BTBD16: variants seen among roughly 807,000 people sequenced by gnomAD.
The protein encoded by BTBD16 is BTB domain containing 16.
A neutral mutation model predicts 67.4 loss-of-function variants in BTBD16; 66 were observed. The ratio of observed to expected loss-of-function variants is 0.98; its 90% CI spans 0.80 to 1.20. The LOEUF is 1.20. Ranked by LOEUF, BTBD16 falls within the 50% of genes most tolerant of loss-of-function variation. The pLI is 0.00. For synonymous variants in BTBD16, 242 were observed against 236.4 expected (o/e 1.02, Z -0.22); for missense variants, 634 against 616.0 (o/e 1.03, Z -0.31).
At chr10:122,283,038 G>T (rs1460097858) in intron 3 of BTBD16, among the ~76,000 whole-genome samples, 1 of 152,218 alleles carries the variant, frequency 6.6e-6, no homozygotes, top group African/African-American at 2.4e-5. Context: ...GAGGGACCAG[G>T]CTGCAGAAAT....
At position 122,271,685 on chromosome 10, in the gene BTBD16, T is replaced by G. The variant is rs147999652; in HGVS notation, c.-43+171T>G. Reference sequence around the variant, plus strand: ...AGGGGTCTGGGAGCTGAGAGACCATTGTAGGTAGCTCCTGCCCGCCCACAG... The same window carrying G: ...AGGGGTCTGGGAGCTGAGAGACCATGGTAGGTAGCTCCTGCCCGCCCACAG... On this transcript the variant is annotated intron_variant, in intron 1 of 15. Coordinates refer to ENST00000260723, the MANE Select transcript of BTBD16 (RefSeq NM_144587.5). Among the ~76,000 whole-genome samples, 380 of 152,032 alleles carry G rather than the reference T, an allele frequency of 2.5e-3. 2 individuals carry two copies. Among genetic ancestry groups the G allele is most frequent in the African/African-American group, 8.8e-3 (363 of 41,456 alleles).
intron 2 of BTBD16, 129 bp from the exon 3 acceptor site, chr10:122,276,662 C>A: frequency 1.7e-6 from 2 of 1,196,752 alleles, no homozygotes; most frequent in East Asian, 4.9e-5. Context: ...GAAATATTAG[C>A]CATGTTCAAA....
intron 8 of BTBD16, 82 bp downstream of exon 8, chr10:122,297,919 G>T: frequency 8.2e-7 from 1 of 1,217,456 alleles, no homozygotes; most frequent in Non-Finnish European, 1.2e-6. Flanking sequence ...TACCCACCAG[G>T]CCTACTTCCC....
At chr10:122,275,219 G>T in intron 2 of BTBD16, 120 bp downstream of exon 2, 2 of 970,348 alleles carry the variant, frequency 2.1e-6, no homozygotes, top group Non-Finnish European at 3.3e-6. Context: ...AGCATTATTG[G>T]CTGACTCGGC....
At chr10:122,302,618 C>T (rs2096396292) in intron 9 of BTBD16, among the ~76,000 whole-genome samples, 1 of 152,232 alleles carries the variant, frequency 6.6e-6, no homozygotes, top group Non-Finnish European at 1.5e-5. Context: ...TGCCCTCCAG[C>T]ATGGGACAAG....
At chr10:122,277,519 C>T (rs888808446) in intron 3 of BTBD16, among the ~76,000 whole-genome samples, 11 of 152,168 alleles carry the variant, frequency 7.2e-5, no homozygotes, top group Admixed American at 2.6e-4. Flanking sequence ...GTTCTGCAGG[C>T]TGTACAAGAA....
intron 9 of BTBD16, among the ~76,000 whole-genome samples, chr10:122,304,593 C>T (rs1044113345): frequency 5.1e-5 from 7 of 137,028 alleles, no homozygotes; most frequent in Non-Finnish European, 7.6e-5. Flanking sequence ...CTCCCTATGT[C>T]GCCCAGGCTG....
At chr10:122,272,966 A>G (rs1011649281) in intron 1 of BTBD16, among the ~76,000 whole-genome samples, 12 of 152,104 alleles carry the variant, frequency 7.9e-5, no homozygotes, top group Non-Finnish European at 1.8e-4. Flanking sequence ...GTAGCCAGGA[A>G]AGTTCAAATT....
At chr10:122,294,248 G>T (rs147247090) in intron 7 of BTBD16, 13,736 of 979,222 alleles carry the variant, frequency 0.014, 110 homozygotes, top group Admixed American at 0.021. Flanking sequence ...GTGTGTCTGT[G>T]TAACGGAAGT....
rs1019772638 is a variant in BTBD16, at chr10:122,323,972, A to G, written c.912-5508A>G. Among the ~76,000 whole-genome samples, 3 of 152,330 alleles carry G rather than the reference A, an allele frequency of 2.0e-5. No homozygotes were observed. In the South Asian group the frequency reaches 6.2e-4, roughly 32 times the overall value. On this transcript the variant is annotated intron_variant, in intron 10 of 15. Coordinates refer to ENST00000260723, the MANE Select transcript of BTBD16 (RefSeq NM_144587.5). Reference sequence around the variant, plus strand: ...ATCACTAAATAGGTATCTCTCAGACACTGAAGGGTAGATTCTGGCAATGAG... The same window carrying G: ...ATCACTAAATAGGTATCTCTCAGACGCTGAAGGGTAGATTCTGGCAATGAG...
At chr10:122,273,069 G>A (rs2096332462) in intron 1 of BTBD16, among the ~76,000 whole-genome samples, 1 of 151,988 alleles carries the variant, frequency 6.6e-6, no homozygotes, top group Non-Finnish European at 1.5e-5. Context: ...TGAAAAAAAT[G>A]ACAACACTTA....
intron 7 of BTBD16, among the ~76,000 whole-genome samples, chr10:122,297,315 C>T (rs964248479): frequency 1.3e-5 from 2 of 152,164 alleles, no homozygotes; most frequent in East Asian, 1.9e-4. Flanking sequence ...GTCATGAGCT[C>T]GCAGAGACCT....
intron 7 of BTBD16, among the ~76,000 whole-genome samples, chr10:122,297,142 T>G (rs1427678928): frequency 2.0e-5 from 3 of 152,266 alleles, no homozygotes; most frequent in Admixed American, 6.5e-5. Flanking sequence ...TTAACATGAC[T>G]GCCAAATGTG....
At chr10:122,329,755 C>T (rs2096452145) in intron 11 of BTBD16, among the ~76,000 whole-genome samples, 184 bp downstream of exon 11, 1 of 152,200 alleles carries the variant, frequency 6.6e-6, no homozygotes, top group African/African-American at 2.4e-5. Flanking sequence ...CTTTCCCTGT[C>T]TGTAAAACGA....
intron 3 of BTBD16, among the ~76,000 whole-genome samples, chr10:122,283,539 A>T (rs1251295419): frequency 1.3e-5 from 2 of 152,216 alleles, no homozygotes; most frequent in Non-Finnish European, 2.9e-5. Flanking sequence ...CTGAGTGTCT[A>T]CTATATGCTA....
intron 6 of BTBD16, among the ~76,000 whole-genome samples, chr10:122,290,409 A>G (rs2096371766): frequency 6.6e-6 from 1 of 151,980 alleles, no homozygotes; most frequent in South Asian, 2.1e-4. Context: ...ACCTCCCCCA[A>G]CTTGGGCTCA....
At chr10:122,325,397 G>A (rs1370530834) in intron 10 of BTBD16, among the ~76,000 whole-genome samples, 27 of 152,114 alleles carry the variant, frequency 1.8e-4, no homozygotes, top group Non-Finnish European at 2.9e-5. Flanking sequence ...AGTCAGCCCC[G>A]AGTCTCAGCC....
At chr10:122,330,731 T>C (rs1350455578) in intron 11 of BTBD16, among the ~76,000 whole-genome samples, 2 of 152,160 alleles carry the variant, frequency 1.3e-5, no homozygotes, top group East Asian at 1.9e-4. Context: ...TTGTTTTGTT[T>C]TGTTTTGTTT....
chr10:122,308,813 C>T (rs1414087404), intron 10 of BTBD16, among the ~76,000 whole-genome samples: 2 of 152,150 alleles, frequency 1.3e-5, no homozygotes, highest in African/African-American at 2.4e-5. Flanking sequence ...GGTGGTAGCA[C>T]CTCGCAGTTG....
Sources: gnomAD v4.1 joint callset for allele counts (sites outside exome capture counted in the v4.1 genomes callset) on GRCh38, gnomAD v4.1.1 for gene constraint, MANE v1.5 for transcripts, NCBI Gene and HGNC (gene_info 2026-07-23, HGNC 2026-07-21) for gene names.